Variants in ADGRV1 observed in about 807,000 individuals in gnomAD.
ADGRV1 encodes G-protein coupled receptor 98.
A neutral mutation model predicts 596.2 loss-of-function variants in ADGRV1; 359 were observed. The observed-to-expected ratio is 0.60, with a 90% CI of 0.55 to 0.66. The LOEUF is 0.66. ADGRV1 is among the 30% of genes least tolerant of loss of function. ADGRV1 has a pLI of 0.00. For synonymous variants in ADGRV1, 2,681 were observed against 2,679.2 expected (o/e 1.00, Z -0.02); for missense variants, 7,274 against 7,575.6 (o/e 0.96, Z 1.48).
At chr5:90,793,749 A>C (rs16869139) in intron 70 of ADGRV1, among the ~76,000 whole-genome samples, 10,050 of 152,174 alleles carry the variant, frequency 0.066, 711 homozygotes, top group East Asian at 0.28. Context: ...CTTTGAACCC[A>C]TTTTAATTAT....
intron 57 of ADGRV1, among the ~76,000 whole-genome samples, chr5:90,758,227 G>A (rs1023268103): frequency 6.6e-6 from 1 of 152,062 alleles, no homozygotes; most frequent in African/African-American, 2.4e-5. Flanking sequence ...CAGCTATTCC[G>A]GCGACTGAGG....
At chr5:90,964,472 A>ATT (rs1778281806) in intron 83 of ADGRV1, among the ~76,000 whole-genome samples, 1 of 148,986 alleles carries the variant, frequency 6.7e-6, no homozygotes, top group African/African-American at 2.5e-5. Flanking sequence ...GCAGAATATT[A>ATT]TTGCTCCAAG....
chr5:90,758,600 A>G (rs1416785671), intron 57 of ADGRV1, among the ~76,000 whole-genome samples: 1 of 152,228 alleles, frequency 6.6e-6, no homozygotes, highest in East Asian at 1.9e-4. Flanking sequence ...CTTCTATTTG[A>G]GCATTTGATT....
At position 90,777,915 on chromosome 5, in the gene ADGRV1, G is replaced by A. The variant is rs761698789; in HGVS notation, c.12538G>A (p.Gly4180Ser). 1.5e-5 allele frequency: 24 copies of A among 1,610,718 alleles called. No homozygotes were observed. Among genetic ancestry groups the A allele is most frequent in the Non-Finnish European group, 2.0e-5 (23 of 1,177,648 alleles). Reference protein sequence around the residue: ...NGTAIISLVRGPGILGEVTVF... With the variant: ...NGTAIISLVRSPGILGEVTVF... ...TGTTTATTGTTGTAGCCTTGTTCGA[G>A]GCCCAGGGATTTTGGGGGAGGTCAC... The change falls in exon 62 of 90, where the codon GGC becomes AGC. Residue 4180 changes from glycine to serine, a missense_variant. By Grantham distance (56) the Gly-to-Ser change is moderately conservative. Around this residue, in one of 5 missense-constraint regions of ADGRV1, gnomAD observed 3,643 missense variants for 3,809.2 expected, o/e 0.96. Transcript: ENST00000405460.
In ADGRV1 at chr5:90,676,110, G is replaced by A; in HGVS notation, c.5344G>A (p.Gly1782Arg). ...NVAGTLEFQP[G>R]ERYKYIFINI... The stretch of plus-strand genomic sequence containing the variant: ...TGCTGGCACATTAGAATTTCAACCA[G>A]GAGAAAGATATAAATACATTTTCAT... The change falls in exon 25 of 90, where the codon GGA becomes AGA. Residue 1782 changes from glycine (G) to arginine (R), a missense_variant. By Grantham distance (125) the Gly-to-Arg change is moderately radical (BLOSUM62 -2). Coordinates refer to ENST00000405460, the MANE Select transcript of ADGRV1 (RefSeq NM_032119.4). 2 of 1,602,938 alleles carry A rather than the reference G, an allele frequency of 1.2e-6. No individual in the cohort carries two copies. The highest frequency in any genetic ancestry group is 1.7e-6 in the Non-Finnish European group (2 of 1,173,512).
intron 85 of ADGRV1, among the ~76,000 whole-genome samples, chr5:91,054,996 AC>A (rs747748350): frequency 2.0e-5 from 3 of 152,198 alleles, no homozygotes; most frequent in Non-Finnish European, 4.4e-5. Context: ...GTGATTTTAC[AC>A]GTAGGATTTA....
At chr5:90,797,928 A>G (rs1760934986) in intron 70 of ADGRV1, among the ~76,000 whole-genome samples, 1 of 152,180 alleles carries the variant, frequency 6.6e-6, no homozygotes, top group Admixed American at 6.5e-5. Flanking sequence ...CAGCTAACAC[A>G]GTGTTTAGAG....
At position 90,728,467 on chromosome 5, in the gene ADGRV1, A is replaced by T. The variant is rs79281884; in HGVS notation, c.10162-202A>T. Among the ~76,000 whole-genome samples the T allele has an allele frequency of 0.023, 3,468 of 152,296 alleles. 128 individuals are homozygous for T. The highest frequency in any genetic ancestry group is 0.081 in the African/African-American group (3,361 of 41,540). On this transcript the variant is annotated intron_variant, in intron 48 of 89. Transcript: ENST00000405460. ...TGTGTGTATGTGTACTTATGTGCAT[A>T]GACATATATGTGCACACTCACACAG...
intron 50 of ADGRV1, among the ~76,000 whole-genome samples, chr5:90,732,163 C>T (rs1752635602): frequency 1.3e-5 from 2 of 152,048 alleles, no homozygotes; most frequent in Non-Finnish European, 2.9e-5. Flanking sequence ...ATCATGCCCA[C>T]ATAATTAAAA....
intron 26 of ADGRV1, among the ~76,000 whole-genome samples, chr5:90,679,940 T>C (rs1744716169): frequency 6.6e-6 from 1 of 152,162 alleles, no homozygotes; most frequent in Admixed American, 6.6e-5. Flanking sequence ...TTTATAAAAA[T>C]GGTTGTTTGG....
chr5:91,162,787 A>G (rs1354677778), intron 89 of ADGRV1, among the ~76,000 whole-genome samples: 1 of 152,196 alleles, frequency 6.6e-6, no homozygotes, highest in Non-Finnish European at 1.5e-5. Flanking sequence ...GATTAAGCCA[A>G]TTCACCATTT....
chr5:90,980,912 A>G (rs1780024751), intron 84 of ADGRV1, among the ~76,000 whole-genome samples: 1 of 152,220 alleles, frequency 6.6e-6, no homozygotes, highest in South Asian at 2.1e-4. Flanking sequence ...ATTTCATTCA[A>G]TATCGTTTTA....
At chr5:90,884,638 T>G (rs1241019580) in intron 83 of ADGRV1, among the ~76,000 whole-genome samples, 4 of 152,184 alleles carry the variant, frequency 2.6e-5, no homozygotes, top group African/African-American at 9.7e-5. Flanking sequence ...TACTCTGCCC[T>G]CTTCCTTATG....
intron 52 of ADGRV1, among the ~76,000 whole-genome samples, chr5:90,748,813 G>GTTTTTTTTTTTTTTTTTTT (rs10700327): frequency 7.0e-6 from 1 of 142,314 alleles, no homozygotes. Context: ...CTATCATCAA[G>GTTTTTTTTTTTTTTTTTTT]TTTTTTTTTG....
intron 42 of ADGRV1, 34 bp from the exon 43 acceptor site, chr5:90,716,433 T>G (rs1440268713): frequency 1.3e-6 from 2 of 1,490,018 alleles, no homozygotes; most frequent in Admixed American, 4.2e-5. Context: ...CTCTTCTATT[T>G]TCATTTGTTG....
At chr5:90,644,456 T>G (rs1278754666) in intron 14 of ADGRV1, among the ~76,000 whole-genome samples, 1 of 152,186 alleles carries the variant, frequency 6.6e-6, no homozygotes, top group Non-Finnish European at 1.5e-5. Flanking sequence ...CTGTTTCCCA[T>G]GCCAACTGAC....
At chr5:90,927,197 T>C (rs1349628476) in intron 83 of ADGRV1, among the ~76,000 whole-genome samples, 1 of 150,890 alleles carries the variant, frequency 6.6e-6, no homozygotes, top group East Asian at 1.9e-4. Context: ...CTTGTTGACT[T>C]TCTGTCTCGT....
intron 85 of ADGRV1, among the ~76,000 whole-genome samples, chr5:91,032,897 CT>C (rs1784591639): frequency 6.6e-6 from 1 of 152,146 alleles, no homozygotes; most frequent in Admixed American, 6.5e-5. Flanking sequence ...AGTACCCCAG[CT>C]TTCTGTTCTG....
Position 90,854,130 on chromosome 5 carries a change from G to T in ADGRV1, c.17523G>T (p.Arg5841Ser). ...LLTNDNEVLY[R>S]IYAAEPRIIP... ...CTAATGACAATGAGGTTCTCTACAG[G>T]ATTTATGCTGCTGAGCCTAGAATTA... The change falls in exon 81 of 90, where the codon AGG (arginine) becomes AGT (serine). Residue 5841 changes from arginine (R) to serine (S), a missense_variant. Arg to Ser is a moderately radical substitution (Grantham distance 110, BLOSUM62 -1). This residue lies in a region of ADGRV1 where 1,874 missense variants were observed against 1,970.2 expected (regional missense o/e 0.95). Coordinates refer to ENST00000405460, the MANE Select transcript of ADGRV1 (RefSeq NM_032119.4). The T allele has an allele frequency of 6.4e-7, 1 of 1,574,358 alleles. No individual in the cohort carries two copies. Among genetic ancestry groups the T allele is most frequent in the East Asian group, 2.3e-5 (1 of 43,604 alleles).
Sources: gnomAD v4.1 joint callset for allele counts (sites outside exome capture counted in the v4.1 genomes callset) on GRCh38, gnomAD v4.1.1 for gene constraint, gnomAD v4.1.1 regional missense constraint, MANE v1.5 for transcripts, NCBI Gene and HGNC (gene_info 2026-07-23, HGNC 2026-07-21) for gene names.